PCNX2: variants seen among roughly 807,000 people sequenced by gnomAD.
The protein encoded by PCNX2 is pecanex 2.
PCNX2 carries 168 observed loss-of-function variants against 223.8 expected under a neutral mutation model. That is an observed-to-expected ratio of 0.75 (90% CI 0.66 to 0.85). The LOEUF (loss-of-function observed/expected upper bound fraction) is 0.85, where lower values mean the gene tolerates loss of function less well. PCNX2 is among the 40% of genes least tolerant of loss of function. The pLI is 0.00. For synonymous variants in PCNX2, 1,006 were observed against 1,052.6 expected (o/e 0.96, Z 0.86); for missense variants, 2,507 against 2,675.5 (o/e 0.94, Z 1.39).
chr1:233,128,155 C>T (rs1393376278), intron 21 of PCNX2, among the ~76,000 whole-genome samples: 1 of 152,138 alleles, frequency 6.6e-6, no homozygotes, highest in Non-Finnish European at 1.5e-5. Flanking sequence ...TAATTTTCAT[C>T]TCCTAAGTGG....
At chr1:233,115,880 A>G (rs1675378104) in intron 21 of PCNX2, among the ~76,000 whole-genome samples, 1 of 152,214 alleles carries the variant, frequency 6.6e-6, no homozygotes, top group Non-Finnish European at 1.5e-5. Context: ...GAATGGAATA[A>G]CAACCATAAC....
intron 1 of PCNX2, among the ~76,000 whole-genome samples, chr1:233,294,650 T>C (rs1661960935): frequency 1.3e-5 from 2 of 152,142 alleles, no homozygotes; most frequent in Non-Finnish European, 2.9e-5. Context: ...TTGTTTTAAT[T>C]ACGTATAATT....
chr1:233,092,503 T>A (rs1324404466), intron 22 of PCNX2, among the ~76,000 whole-genome samples: 1 of 152,026 alleles, frequency 6.6e-6, no homozygotes, highest in East Asian at 1.9e-4. Flanking sequence ...TTCAATGTGG[T>A]AGGAAAGGAA....
In PCNX2 at chr1:233,262,985, T is replaced by C; in HGVS notation, c.332A>G (p.Glu111Gly). Residue 111 changes from glutamate (E) to glycine (G), a missense_variant, in exon 2 of 34, where the codon GAA becomes GGA. By Grantham distance (98) the Glu-to-Gly change is moderately conservative. This residue lies in a region of PCNX2 where 1,031 missense variants were observed against 1,021.7 expected (regional missense o/e 1.01). Transcript: ENST00000258229. ...TGGATTTCTGTGATTAGTTATGTGT[T>C]CACCTTTGGCCTCCTTGTCTTTATT... ...KPNKDKEAKG[E>G]HITNHRNPSN... 1.2e-6 allele frequency: 2 copies of C among 1,613,688 alleles called. No homozygotes were observed. Among genetic ancestry groups the C allele is most frequent in the East Asian group, 4.5e-5 (2 of 44,820 alleles).
At chr1:233,288,823 T>TAA in intron 1 of PCNX2, 1 of 764,690 alleles carries the variant, frequency 1.3e-6, no homozygotes, top group Non-Finnish European at 2.1e-6. Context: ...TTTTTTTTTT[T>TAA]TTTACTGTGA....
chr1:233,115,754 G>C (rs557937033), intron 21 of PCNX2, among the ~76,000 whole-genome samples: 16 of 151,674 alleles, frequency 1.1e-4, no homozygotes, highest in African/African-American at 2.7e-4. Context: ...AAAGAAAGAA[G>C]ATAGAGAAAA....
At chr1:233,090,725 C>T (rs1165502916) in intron 22 of PCNX2, among the ~76,000 whole-genome samples, 1 of 152,098 alleles carries the variant, frequency 6.6e-6, no homozygotes, top group African/African-American at 2.4e-5. Context: ...ACCACTGGTT[C>T]AATTCAAGTC....
rs756153365 is a variant in PCNX2, at chr1:233,017,105, T to C, written c.4655A>G (p.Lys1552Arg). Residue 1552 changes from lysine to arginine, a missense_variant, in exon 27 of 34, where the codon AAA (lysine) becomes AGA (arginine). By Grantham distance (26) the Lys-to-Arg change is conservative (BLOSUM62 2). Around this residue, in one of 3 missense-constraint regions of PCNX2, gnomAD observed 1,372 missense variants for 1,509.4 expected, o/e 0.91. Coordinates refer to ENST00000258229, the MANE Select transcript of PCNX2 (RefSeq NM_014801.4). Reference sequence around the variant, plus strand: ...CAGGGACTTCAGAAGTGATTCATTTTTGATCCAGGAGAGGAGTTTGGGAGA... The same window carrying C: ...CAGGGACTTCAGAAGTGATTCATTTCTGATCCAGGAGAGGAGTTTGGGAGA... ...VTSPKLLSWI[K>R]NESLLKSLQP... The C allele has an allele frequency of 2.0e-5, 32 of 1,594,846 alleles. No individual in the cohort carries two copies. Among genetic ancestry groups the C allele is most frequent in the Non-Finnish European group, 2.7e-5 (32 of 1,172,818 alleles).
chr1:233,044,365 T>C (rs891007355), intron 25 of PCNX2, among the ~76,000 whole-genome samples: 6 of 152,238 alleles, frequency 3.9e-5, no homozygotes, highest in African/African-American at 1.2e-4. Flanking sequence ...GGTTGCCTGT[T>C]CACGCTGATG....
At chr1:233,205,079 A>G (rs1331870111) in intron 13 of PCNX2, among the ~76,000 whole-genome samples, 2 of 152,230 alleles carry the variant, frequency 1.3e-5, no homozygotes, top group Non-Finnish European at 2.9e-5. Context: ...AACACCTCAC[A>G]TCCCAATGCC....
intron 17 of PCNX2, among the ~76,000 whole-genome samples, chr1:233,165,363 G>C (rs1015052867): frequency 6.6e-6 from 1 of 152,128 alleles, no homozygotes; most frequent in African/African-American, 2.4e-5. Flanking sequence ...ACAATTTGAG[G>C]AAGGGAAGAA....
chr1:233,054,144 GCTCA>G (rs1672105763), intron 25 of PCNX2, 120 bp downstream of exon 25: 2 of 788,824 alleles, frequency 2.5e-6, no homozygotes, highest in South Asian at 3.7e-5. Context: ...GTGGTGGCAA[GCTCA>G]CTTTCAGTAG....
rs1272316684 is a variant in PCNX2 at position 233,160,370 on chromosome 1, G to A, written c.3430C>T (p.Leu1144Phe). 1 of 1,613,304 alleles carries A rather than the reference G, an allele frequency of 6.2e-7. No homozygotes were observed. The highest frequency in any genetic ancestry group is 8.5e-7 in the Non-Finnish European group (1 of 1,179,358). ...GAVGFVTHYV[L>F]PQLRKHHPWM... ...GGATGATGCTTGCGGAGCTGAGGGAGCACGTAATGTGTTACAAACCCCACG... is the reference window on the plus strand; with the variant it reads ...GGATGATGCTTGCGGAGCTGAGGGAACACGTAATGTGTTACAAACCCCACG... The change falls in exon 19 of 34, where the codon CTC becomes TTC. Residue 1144 changes from leucine (L) to phenylalanine (F), a missense_variant. Physicochemically the swap from Leu to Phe is conservative, Grantham distance 22. Coordinates refer to ENST00000258229, the MANE Select transcript of PCNX2 (RefSeq NM_014801.4).
rs112506010 is a variant in PCNX2, at chr1:233,006,244, C to T, written c.4953-4563G>A. On this transcript the variant is annotated intron_variant, in intron 28 of 33. Transcript: ENST00000258229. Reference sequence around the variant, plus strand: ...ACACTTGAGGACATTTCCTTTTTAACTGGAAAAAGCTGGAGTGTACTGCGT... The same window carrying T: ...ACACTTGAGGACATTTCCTTTTTAATTGGAAAAAGCTGGAGTGTACTGCGT... 1.9e-3 allele frequency among the ~76,000 whole-genome samples: 291 copies of T among 152,272 alleles called. 1 individual carries two copies. Among genetic ancestry groups the T allele is most frequent in the African/African-American group, 6.9e-3 (286 of 41,554 alleles).
At chr1:233,060,920 A>G (rs1437234034) in intron 23 of PCNX2, among the ~76,000 whole-genome samples, 1 of 152,202 alleles carries the variant, frequency 6.6e-6, no homozygotes, top group African/African-American at 2.4e-5. Context: ...AAATGCAGAG[A>G]GCAGAGCTGG....
At chr1:233,197,128 C>G (rs1025690642) in intron 15 of PCNX2, among the ~76,000 whole-genome samples, 2 of 152,230 alleles carry the variant, frequency 1.3e-5, no homozygotes, top group Admixed American at 6.5e-5. Context: ...AAGAGACTGA[C>G]TACAAGGAAT....
chr1:233,315,809 C>CT, the PCNX2 span, among the ~76,000 whole-genome samples: 5 of 151,648 alleles, frequency 3.3e-5, no homozygotes, highest in Non-Finnish European at 5.9e-5. Context: ...GATGACTAAC[C>CT]TTTTTTTAAA....
chr1:233,258,634 C>G lies in PCNX2; in HGVS notation c.1228G>C (p.Ala410Pro). 2.5e-6 allele frequency: 4 copies of G among 1,613,952 alleles called. No individual in the cohort carries two copies. The South Asian group carries it at 4.4e-5, about 18-fold the overall frequency. ...GTEKTSVKSD[A>P]EPTNPGAAGS... ...GCCGCCCCTGGGTTAGTGGGCTCAG[C>G]GTCAGACTTTACACTGGTCTTCTCT... Residue 410 changes from alanine to proline, a missense_variant, in exon 5 of 34, where the codon GCT becomes CCT. By Grantham distance (27) the Ala-to-Pro change is conservative. This residue lies in a region of PCNX2 where 1,031 missense variants were observed against 1,021.7 expected (regional missense o/e 1.01). Coordinates refer to ENST00000258229, the MANE Select transcript of PCNX2 (RefSeq NM_014801.4).
intron 26 of PCNX2, among the ~76,000 whole-genome samples, chr1:233,019,529 A>G (rs1002858328): frequency 6.6e-6 from 1 of 152,154 alleles, no homozygotes; most frequent in African/African-American, 2.4e-5. Flanking sequence ...TTAGAATGAG[A>G]CAATCTATAT....
Sources: allele counts gnomAD v4.1 joint callset (sites outside exome capture counted in the v4.1 genomes callset), GRCh38; gene constraint gnomAD v4.1.1; regional missense constraint gnomAD v4.1.1; transcripts MANE v1.5; gene names NCBI Gene and HGNC (gene_info 2026-07-23, HGNC 2026-07-21).